Variants in ADGRV1 observed in about 807,000 individuals in gnomAD.
ADGRV1 encodes the protein G-protein coupled receptor 98.
A neutral mutation model predicts 596.2 loss-of-function variants in ADGRV1; 359 were observed. The observed-to-expected ratio is 0.60, with a 90% confidence interval of 0.55 to 0.66. ADGRV1 has a LOEUF of 0.66. ADGRV1 is among the 30% of genes least tolerant of loss of function. The probability of loss-of-function intolerance (pLI) is 0.00; values close to 1 mark genes in which losing one functional copy is unlikely to be tolerated. For synonymous variants in ADGRV1, 2,681 were observed against 2,679.2 expected (o/e 1.00, Z -0.02); for missense variants, 7,274 against 7,575.6 (o/e 0.96, Z 1.48).
chr5:90,582,269 G>A (rs1241193362), intron 1 of ADGRV1, among the ~76,000 whole-genome samples: 1 of 152,042 alleles, frequency 6.6e-6, no homozygotes, highest in Non-Finnish European at 1.5e-5. Flanking sequence ...TCAATGATCT[G>A]TCTAACACTG....
chr5:90,589,472 G>GA (rs1759196938), intron 1 of ADGRV1, among the ~76,000 whole-genome samples: 1 of 152,212 alleles, frequency 6.6e-6, no homozygotes, highest in Non-Finnish European at 1.5e-5. Context: ...GGCTGAGAAA[G>GA]AAAGTGTGGA....
At chr5:91,055,201 G>A (rs1581915998) in intron 85 of ADGRV1, among the ~76,000 whole-genome samples, 2 of 152,060 alleles carry the variant, frequency 1.3e-5, no homozygotes, top group South Asian at 4.2e-4. Context: ...TGGATTAGAG[G>A]TGATGACAAC....
intron 65 of ADGRV1, among the ~76,000 whole-genome samples, chr5:90,781,795 C>A (rs368847019): frequency 6.6e-6 from 1 of 152,036 alleles, no homozygotes; most frequent in Non-Finnish European, 1.5e-5. Flanking sequence ...TAGGAACAAG[C>A]CTGTCTAGAA....
At chr5:90,871,333 T>A (rs535470312) in intron 83 of ADGRV1, among the ~76,000 whole-genome samples, 1 of 152,330 alleles carries the variant, frequency 6.6e-6, no homozygotes, top group East Asian at 1.9e-4. Flanking sequence ...TGTATCAAAT[T>A]TGTCTTTCTT....
intron 85 of ADGRV1, among the ~76,000 whole-genome samples, chr5:91,060,261 C>T (rs549352228): frequency 1.3e-5 from 2 of 152,066 alleles, no homozygotes; most frequent in African/African-American, 4.8e-5. Flanking sequence ...CACTCTGTTG[C>T]CCAGGCTGGA....
rs769982289 is a variant in ADGRV1, at chr5:90,647,552, G to A, written c.3077G>A (p.Arg1026Lys). The A allele has an allele frequency of 6.2e-7, 1 of 1,613,822 alleles. No homozygotes were observed. The highest frequency in any genetic ancestry group is 8.5e-7 in the Non-Finnish European group (1 of 1,179,742). Residue 1026 changes from arginine to lysine, a missense_variant, in exon 17 of 90, where the codon AGA becomes AAA. This residue lies in a region of ADGRV1 where 1,715 missense variants were observed against 1,708.8 expected (regional missense o/e 1.00). Coordinates refer to ENST00000405460, the MANE Select transcript of ADGRV1 (RefSeq NM_032119.4). ...GAGACTGCCAACTTTACAGTTCTCA[G>A]AAATGGATCTGTTGATGTGACTTGC... ...EGETANFTVL[R>K]NGSVDVTCMV...
chr5:90,961,487 CAAAAAAAA>C (rs34654014), intron 83 of ADGRV1, among the ~76,000 whole-genome samples: 2 of 46,520 alleles, frequency 4.3e-5, no homozygotes, highest in Admixed American at 2.4e-4. Flanking sequence ...GACTCCGTCT[CAAAAAAAA>C]AAAAAAAAAA....
At chr5:90,868,282 C>T (rs767524933) in intron 83 of ADGRV1, among the ~76,000 whole-genome samples, 7 of 151,912 alleles carry the variant, frequency 4.6e-5, no homozygotes, top group Non-Finnish European at 1.0e-4. Context: ...TAAGAAATCC[C>T]ATTAATTAAT....
At chr5:91,121,100 G>T (rs1793279280) in intron 87 of ADGRV1, among the ~76,000 whole-genome samples, 1 of 152,134 alleles carries the variant, frequency 6.6e-6, no homozygotes, top group Non-Finnish European at 1.5e-5. Context: ...CTTCAACCCT[G>T]GAAGAGGAGG....
chr5:90,789,929 T>A, intron 69 of ADGRV1, 78 bp downstream of exon 69: 1 of 1,041,988 alleles, frequency 9.6e-7, no homozygotes, highest in Non-Finnish European at 1.3e-6. Context: ...AAACTGCATG[T>A]TCTAGTTAAT....
intron 2 of ADGRV1, among the ~76,000 whole-genome samples, chr5:90,615,803 T>C (rs1256403896): frequency 6.6e-6 from 1 of 151,942 alleles, no homozygotes; most frequent in Non-Finnish European, 1.5e-5. Context: ...TATGAGATAA[T>C]CTTTTTCATA....
At chr5:90,835,289 C>T (rs929394054) in intron 77 of ADGRV1, among the ~76,000 whole-genome samples, 1 of 152,244 alleles carries the variant, frequency 6.6e-6, no homozygotes, top group Non-Finnish European at 1.5e-5. Flanking sequence ...GTTGCTCTTG[C>T]AGACTCCTAG....
At chr5:90,706,814 T>TA (rs1305986509) in intron 38 of ADGRV1, among the ~76,000 whole-genome samples, 5 of 152,108 alleles carry the variant, frequency 3.3e-5, no homozygotes, top group Admixed American at 2.6e-4. Context: ...TGAATTCTCT[T>TA]CTGCTTGTTC....
rs777276071 is a variant in ADGRV1 at position 90,627,606 on chromosome 5, A to G, written c.1068A>G (p.Glu356=). ...IVDDTIPEIA[E]SFHIMLLKDT... is the part of the protein sequence containing the mutation. Reference sequence around the variant, plus strand: ...ATGACACCATACCGGAGATTGCTGAATCGTTTCACATTATGTTACTAAAAG... The same window carrying G: ...ATGACACCATACCGGAGATTGCTGAGTCGTTTCACATTATGTTACTAAAAG... Residue 356 remains glutamate (E), a synonymous_variant, in exon 7 of 90, where the codon GAA becomes GAG. Transcript: ENST00000405460. 1 of 1,613,940 alleles carries G rather than the reference A, an allele frequency of 6.2e-7. No individual in the cohort carries two copies. Among genetic ancestry groups the G allele is most frequent in the Non-Finnish European group, 8.5e-7 (1 of 1,179,880 alleles).
chr5:90,973,168 T>TAGG (rs1779216348), intron 84 of ADGRV1, among the ~76,000 whole-genome samples: 1 of 152,146 alleles, frequency 6.6e-6, no homozygotes, highest in South Asian at 2.1e-4. Context: ...GTTGAATCCC[T>TAGG]GAATAGACCA....
chr5:90,748,305 C>T (rs972291442), intron 52 of ADGRV1, among the ~76,000 whole-genome samples: 7 of 152,134 alleles, frequency 4.6e-5, no homozygotes, highest in South Asian at 2.1e-4. Flanking sequence ...ATGTGTGCCT[C>T]ATATGTAAAT....
chr5:90,725,681 GGT>G, intron 48 of ADGRV1, 25 bp downstream of exon 48: 1 of 1,052,362 alleles, frequency 9.5e-7, no homozygotes, highest in Non-Finnish European at 1.4e-6. Flanking sequence ...AAATGAAGTG[GGT>G]TTTTTTTTGC....
At chr5:90,623,772 C>A (rs1415885493) in intron 5 of ADGRV1, among the ~76,000 whole-genome samples, 2 of 152,116 alleles carry the variant, frequency 1.3e-5, no homozygotes, top group Non-Finnish European at 2.9e-5. Context: ...TTGCACTCCA[C>A]CATGGGAATC....
chr5:90,817,866 C>G (rs1362126858), intron 75 of ADGRV1, among the ~76,000 whole-genome samples: 5 of 152,098 alleles, frequency 3.3e-5, no homozygotes, highest in Non-Finnish European at 4.4e-5. Context: ...CAGCTTTGTT[C>G]TTTTGGCTTA....
Sources: allele counts gnomAD v4.1 joint callset (sites outside exome capture counted in the v4.1 genomes callset), GRCh38; gene constraint gnomAD v4.1.1; regional missense constraint gnomAD v4.1.1; transcripts MANE v1.5; gene names NCBI Gene and HGNC (gene_info 2026-07-23, HGNC 2026-07-21).